Variants in CALD1 observed in about 807,000 individuals in gnomAD.
CALD1 encodes the protein caldesmon 1, also known as caldesmon.
A neutral mutation model predicts 99.9 loss-of-function variants in CALD1; 33 were observed. That is an observed-to-expected ratio of 0.33 (90% CI 0.25 to 0.44). The LOEUF (loss-of-function observed/expected upper bound fraction) is 0.44. Among genes scored for constraint, CALD1 ranks in the 20% least tolerant of loss-of-function variants. The probability of loss-of-function intolerance (pLI) is 1.00; values close to 1 mark genes in which losing one functional copy is unlikely to be tolerated. For missense variants in CALD1, 861 were observed against 962.1 expected, an observed-to-expected ratio of 0.89 and a Z score of 1.39; for synonymous variants, 310 against 325.0, an observed-to-expected ratio of 0.95 and a Z score of 0.50.
At chr7:134,725,505 AC>A in the CALD1 span, among the ~76,000 whole-genome samples, 5,016 of 152,202 alleles carry the variant, frequency 0.033, 288 homozygotes, top group African/African-American at 0.11. Flanking sequence ...CATTAATATC[AC>A]CCTTAGATTC....
intron 9 of CALD1, among the ~76,000 whole-genome samples, chr7:134,957,500 A>C (rs895172367): frequency 6.6e-6 from 1 of 151,994 alleles, no homozygotes; most frequent in African/African-American, 2.4e-5. Flanking sequence ...GCTCACTGCA[A>C]TCTCTCCCTC....
At chr7:134,962,788 T>C (rs1050874180) in intron 13 of CALD1, 15 of 443,814 alleles carry the variant, frequency 3.4e-5, no homozygotes, top group African/African-American at 3.0e-4. Context: ...TCTTTTTGTT[T>C]AAAAAAAAAC....
intron 1 of CALD1, among the ~76,000 whole-genome samples, chr7:134,812,196 G>A (rs1254866114): frequency 6.6e-6 from 1 of 152,174 alleles, no homozygotes; most frequent in Non-Finnish European, 1.5e-5. Context: ...AATTGTTACT[G>A]AGAATGTCAT....
chr7:134,927,109 C>T (rs1326909954), intron 3 of CALD1, among the ~76,000 whole-genome samples: 1 of 152,168 alleles, frequency 6.6e-6, no homozygotes, highest in Non-Finnish European at 1.5e-5. Context: ...CAGCACCCAT[C>T]CTTTCTTGGC....
At chr7:134,745,978 G>A (rs1796631627) in intron 1 of CALD1, among the ~76,000 whole-genome samples, 1 of 152,084 alleles carries the variant, frequency 6.6e-6, no homozygotes. Context: ...TGTGTGGGTC[G>A]ATAAAGCCAC....
chr7:134,720,133 A>G, the CALD1 span, among the ~76,000 whole-genome samples: 1 of 151,248 alleles, frequency 6.6e-6, no homozygotes, highest in Non-Finnish European at 1.5e-5. Flanking sequence ...GTTCACCAGT[A>G]ATCAGCAAAC....
chr7:134,963,749 T>C (rs1386762538), intron 13 of CALD1, among the ~76,000 whole-genome samples: 1 of 152,192 alleles, frequency 6.6e-6, no homozygotes, highest in East Asian at 1.9e-4. Context: ...GATTTCCACA[T>C]GTTCTTACAC....
the CALD1 span, among the ~76,000 whole-genome samples, chr7:134,726,805 G>A: frequency 2.3e-4 from 35 of 152,148 alleles, no homozygotes; most frequent in Non-Finnish European, 4.1e-4. Context: ...AGGGACAAAT[G>A]AGGCCTGGCA....
intron 14 of CALD1, among the ~76,000 whole-genome samples, chr7:134,967,912 G>T (rs1188093705): frequency 6.6e-6 from 1 of 152,194 alleles, no homozygotes; most frequent in East Asian, 1.9e-4. Flanking sequence ...GGGAGGCCGA[G>T]GCAGGCAGAT....
rs1808983686 is a variant in CALD1 at position 134,970,657 on chromosome 7, T to C, written c.*2312T>C. 1 of 152,594 alleles carries C rather than the reference T, an allele frequency of 6.6e-6. No individual in the cohort carries two copies. The highest frequency in any genetic ancestry group is 1.5e-5 in the Non-Finnish European group (1 of 68,038). The allele number at this position is 152,594 out of a possible 1,614,324, so 9.5% of individuals were successfully genotyped here. A position where few individuals can be genotyped will look rare whatever the true frequency, so the allele number is the denominator to read the frequency against. On this transcript the variant is annotated 3_prime_UTR_variant, in exon 15 of 15. Coordinates refer to ENST00000361675, the MANE Select transcript of CALD1 (RefSeq NM_033138.4). ...TCCTGCAAAATGTCTTTTTCTCACT[T>C]ATTTTTATGTACAATATTGATAGTG...
intron 3 of CALD1, among the ~76,000 whole-genome samples, chr7:134,923,988 G>A (rs539708168): frequency 5.9e-5 from 9 of 152,166 alleles, no homozygotes; most frequent in Non-Finnish European, 1.3e-4. Flanking sequence ...AATCTTAAAT[G>A]TGCCTCAGTA....
At chr7:134,890,504 T>C (rs1015350) in intron 3 of CALD1, among the ~76,000 whole-genome samples, 120,846 of 152,150 alleles carry the variant, frequency 0.79, 48,742 homozygotes, top group East Asian at 0.95. Flanking sequence ...TAATCTTAAC[T>C]CTACATTGTG....
rs569829295 is a variant in CALD1, at chr7:134,898,578, A to G, written c.72-30176A>G. On this transcript the variant is annotated intron_variant, in intron 3 of 14. Transcript: ENST00000361675. Reference sequence around the variant, plus strand: ...ACTTTTTTTTTTGGTTTTATTTTTTATTTTTATTTTTTTGAGATGGAGCCT... The same window carrying G: ...ACTTTTTTTTTTGGTTTTATTTTTTGTTTTTATTTTTTTGAGATGGAGCCT... 4.0e-5 allele frequency among the ~76,000 whole-genome samples: 6 copies of G among 150,320 alleles called. No individual in the cohort carries two copies. The East Asian group carries it at 1.2e-3, about 29-fold the overall frequency.
chr7:134,789,595 A>G (rs577779398), intron 1 of CALD1, among the ~76,000 whole-genome samples: 2 of 152,348 alleles, frequency 1.3e-5, no homozygotes, highest in Admixed American at 6.5e-5. Flanking sequence ...TAGACACTCA[A>G]TTACAAATGG....
intron 1 of CALD1, among the ~76,000 whole-genome samples, chr7:134,781,304 G>A (rs986702166): frequency 3.3e-5 from 5 of 152,112 alleles, no homozygotes; most frequent in Non-Finnish European, 7.4e-5. Flanking sequence ...CTATAATCTT[G>A]GGATTTGAGG....
At chr7:134,738,474 G>T in the CALD1 span, among the ~76,000 whole-genome samples, 1 of 152,212 alleles carries the variant, frequency 6.6e-6, no homozygotes, top group Non-Finnish European at 1.5e-5. Context: ...CTTAACAATT[G>T]TTGACAGCCC....
Position 134,933,659 on chromosome 7 carries a change from C to T in CALD1, c.890C>T (p.Ala297Val). 1.9e-6 allele frequency: 3 copies of T among 1,602,096 alleles called. No homozygotes were observed. Among genetic ancestry groups the T allele is most frequent in the Non-Finnish European group, 2.6e-6 (3 of 1,173,906 alleles). ...KIADERARIE[A>V]EEKAAAQERE... ...GCAGATGAACGAGCAAGAATTGAAG[C>T]AGAAGAAAAAGCAGCTGCCCAAGAA... Residue 297 changes from alanine (A) to valine (V), a missense_variant, in exon 5 of 15, where the codon GCA becomes GTA. Around this residue, in one of 5 missense-constraint regions of CALD1, gnomAD observed 234 missense variants for 233.1 expected, o/e 1.00. Coordinates refer to ENST00000361675, the MANE Select transcript of CALD1 (RefSeq NM_033138.4).
At chr7:134,720,157 G>A in the CALD1 span, among the ~76,000 whole-genome samples, 26 of 148,216 alleles carry the variant, frequency 1.8e-4, no homozygotes, top group Admixed American at 5.4e-4. Context: ...TGTTAGTGAC[G>A]ACAGTGGCAC....
chr7:134,732,558 C>T, the CALD1 span, among the ~76,000 whole-genome samples: 1 of 151,226 alleles, frequency 6.6e-6, no homozygotes. Flanking sequence ...GACACTGGAT[C>T]TGCCAGTACC....
Sources: allele counts gnomAD v4.1 joint callset (sites outside exome capture counted in the v4.1 genomes callset), GRCh38; gene constraint gnomAD v4.1.1; regional missense constraint gnomAD v4.1.1; transcripts MANE v1.5; gene names NCBI Gene and HGNC (gene_info 2026-07-23, HGNC 2026-07-21).